Variants in SH3BP5 observed in about 807,000 individuals in gnomAD.
SH3BP5 encodes the protein SH3 domain binding protein 5.
A neutral mutation model predicts 43.3 loss-of-function variants in SH3BP5; 22 were observed. The ratio of observed to expected loss-of-function variants is 0.51; its 90% confidence interval spans 0.36 to 0.73. The LOEUF (loss-of-function observed/expected upper bound fraction) is 0.73. SH3BP5 is among the 30% of genes least tolerant of loss of function. The pLI, the probability that SH3BP5 is intolerant of heterozygous loss-of-function variation, is 0.00. For synonymous variants in SH3BP5, 255 were observed against 225.8 expected, an observed-to-expected ratio of 1.13 and a Z score of -1.16; for missense variants, 529 against 586.9, an observed-to-expected ratio of 0.90 and a Z score of 1.02.
chr3:15,340,841 T>C (rs1698757029), intron 1 of SH3BP5, among the ~76,000 whole-genome samples: 1 of 151,728 alleles, frequency 6.6e-6, no homozygotes, highest in Admixed American at 6.6e-5. Context: ...TCACCTGAGG[T>C]TGGGAGTTCA....
intron 4 of SH3BP5, among the ~76,000 whole-genome samples, chr3:15,269,024 G>C (rs1413046378): frequency 6.6e-6 from 1 of 152,116 alleles, no homozygotes; most frequent in Non-Finnish European, 1.5e-5. Flanking sequence ...CAACTACCCT[G>C]TTTATGGTAT....
intron 3 of SH3BP5, among the ~76,000 whole-genome samples, chr3:15,300,869 T>C (rs568271219): frequency 6.6e-6 from 1 of 152,280 alleles, no homozygotes; most frequent in South Asian, 2.1e-4. Flanking sequence ...AACATTCATC[T>C]TGGGAGCTGC....
intron 3 of SH3BP5, among the ~76,000 whole-genome samples, chr3:15,270,925 C>CAAA (rs36096504): frequency 5.1e-5 from 5 of 98,314 alleles, no homozygotes; most frequent in African/African-American, 9.1e-5. Flanking sequence ...GACTCCATCT[C>CAAA]AAAAAAAAAA....
At chr3:15,291,927 G>A (rs528359367) in intron 3 of SH3BP5, among the ~76,000 whole-genome samples, 2 of 152,284 alleles carry the variant, frequency 1.3e-5, no homozygotes, top group South Asian at 4.1e-4. Flanking sequence ...AGAAAAGAAA[G>A]GAAGGAAAGC....
chr3:15,313,707 G>A (rs967443131), intron 2 of SH3BP5, among the ~76,000 whole-genome samples: 2 of 152,200 alleles, frequency 1.3e-5, no homozygotes, highest in African/African-American at 2.4e-5. Flanking sequence ...CTGTGACGAT[G>A]ACATGTGCTA....
chr3:15,333,279 G>A, upstream of SH3BP5: 1 of 985,396 alleles, frequency 1.0e-6, no homozygotes, highest in Admixed American at 6.1e-5. Context: ...GAAGAGGCAC[G>A]TGTGTGTGCT....
intron 3 of SH3BP5, among the ~76,000 whole-genome samples, chr3:15,302,969 C>T (rs532561255): frequency 5.3e-5 from 8 of 152,040 alleles, no homozygotes; most frequent in South Asian, 2.1e-4. Flanking sequence ...CCACCATACC[C>T]GGCTAATTTT....
chr3:15,340,488 C>T (rs1322628689), intron 1 of SH3BP5, among the ~76,000 whole-genome samples: 1 of 152,118 alleles, frequency 6.6e-6, no homozygotes, highest in East Asian at 1.9e-4. Flanking sequence ...GCAACATAGG[C>T]CGGCATGGTG....
chr3:15,323,046 C>T (rs905750105), intron 2 of SH3BP5, among the ~76,000 whole-genome samples: 1 of 151,728 alleles, frequency 6.6e-6, no homozygotes, highest in African/African-American at 2.4e-5. Flanking sequence ...GGCTAAGGCA[C>T]GAAAATCGCT....
At chr3:15,286,920 G>A (rs1192208950) in intron 3 of SH3BP5, among the ~76,000 whole-genome samples, 1 of 152,162 alleles carries the variant, frequency 6.6e-6, no homozygotes, top group Non-Finnish European at 1.5e-5. Context: ...GATGCGGAAA[G>A]GATAAGATGC....
Position 15,262,151 on chromosome 3 carries a change from A to C in SH3BP5, c.626+8T>G, listed in dbSNP as rs1207738954. ...CACGGCCCCAGGGAAGGCCCTGTCC[A>C]GACTTACTTGGACTTGTTGATGGCT... On this transcript the variant is annotated splice_region_variant and intron_variant, in intron 5 of 8. Coordinates refer to ENST00000383791, the MANE Select transcript of SH3BP5 (RefSeq NM_004844.5). The C allele has an allele frequency of 6.2e-7, 1 of 1,613,954 alleles. No individual in the cohort carries two copies. Among genetic ancestry groups the C allele is most frequent in the African/African-American group, 1.3e-5 (1 of 74,924 alleles).
chr3:15,292,221 A>G (rs1697432360), intron 3 of SH3BP5, among the ~76,000 whole-genome samples: 1 of 152,212 alleles, frequency 6.6e-6, no homozygotes, highest in Admixed American at 6.5e-5. Flanking sequence ...AAACATCTGA[A>G]GAGCATCATG....
intron 3 of SH3BP5, among the ~76,000 whole-genome samples, chr3:15,296,392 G>A (rs529114588): frequency 6.6e-6 from 1 of 151,042 alleles, no homozygotes; most frequent in East Asian, 1.9e-4. Context: ...CAGTAACAAA[G>A]ATTCTACTTT....
At chr3:15,284,501 G>A (rs1022537153) in intron 3 of SH3BP5, among the ~76,000 whole-genome samples, 1 of 152,168 alleles carries the variant, frequency 6.6e-6, no homozygotes, top group Non-Finnish European at 1.5e-5. Context: ...GAAATAAATG[G>A]GTTCAAAGTC....
rs778496280 is a variant in SH3BP5, at chr3:15,258,813, G to A, written c.889+18C>T. 8 of 1,600,908 alleles carry A rather than the reference G, an allele frequency of 5.0e-6. No homozygotes were observed. The African/African-American group carries it at 5.4e-5, about 11-fold the overall frequency. On this transcript the variant is annotated intron_variant, in intron 7 of 8. Coordinates refer to ENST00000383791, the MANE Select transcript of SH3BP5 (RefSeq NM_004844.5). ...AGTCTGATATCTCCCCACATACCCA[G>A]TGGAGCCCCTGACTTACCAGAAATG...
chr3:15,318,128 G>T (rs1698228221), intron 2 of SH3BP5, among the ~76,000 whole-genome samples: 1 of 152,186 alleles, frequency 6.6e-6, no homozygotes, highest in Non-Finnish European at 1.5e-5. Flanking sequence ...AAGGACTGTT[G>T]TGAGAATGAA....
At chr3:15,301,691 CCAAA>C (rs1697757888) in intron 3 of SH3BP5, among the ~76,000 whole-genome samples, 1 of 151,968 alleles carries the variant, frequency 6.6e-6, no homozygotes. Flanking sequence ...CAGGACATCG[CCAAA>C]CAGAGGGACA....
chr3:15,330,389 C>T (rs1698579661), intron 2 of SH3BP5, 115 bp downstream of exon 2: 1 of 844,252 alleles, frequency 1.2e-6, no homozygotes, highest in Admixed American at 2.0e-5. Context: ...TGTTGCTCAA[C>T]TCCCAAGGAG....
intron 2 of SH3BP5, among the ~76,000 whole-genome samples, chr3:15,320,635 C>CACACACACACACACACACAT (rs773355544): frequency 4.6e-5 from 7 of 151,046 alleles, no homozygotes; most frequent in Non-Finnish European, 8.8e-5. Context: ...CACACACACA[C>CACACACACACACACACACAT]ACACACCCCA....
Sources: allele counts gnomAD v4.1 joint callset (sites outside exome capture counted in the v4.1 genomes callset), GRCh38; gene constraint gnomAD v4.1.1; transcripts MANE v1.5; gene names NCBI Gene and HGNC (gene_info 2026-07-23, HGNC 2026-07-21).